The following IVD variants were observed in gnomAD, a reference collection of about 807,000 sequenced individuals.
The protein encoded by IVD is isovaleryl-CoA dehydrogenase.
IVD carries 31 observed loss-of-function variants against 51.3 expected under a neutral mutation model. That is an observed-to-expected ratio of 0.60 (90% CI 0.45 to 0.81). IVD has a LOEUF of 0.81. Among genes scored for constraint, IVD ranks in the 40% least tolerant of loss-of-function variants. IVD has a pLI of 0.00. For synonymous variants in IVD, 205 were observed against 219.4 expected (o/e 0.93, Z 0.58); for missense variants, 475 against 552.0 (o/e 0.86, Z 1.40).
rs1270480858 is a variant in IVD, at chr15:40,413,066, T to G, written c.763T>G (p.Phe255Val). 1 of 1,613,854 alleles carries G rather than the reference T, an allele frequency of 6.2e-7. No homozygotes were observed. Among genetic ancestry groups the G allele is most frequent in the Admixed American group, 1.7e-5 (1 of 60,030 alleles). ...GGGCTCTAACACCTGTGAGCTAATC[T>G]TTGAAGACTGCAAGATTCCTGGTAA... is the stretch of plus-strand genomic sequence containing the variant. ...MRGSNTCELIFEDCKIPAANI... is the reference protein window; with the variant it reads ...MRGSNTCELIVEDCKIPAANI... Residue 255 changes from phenylalanine (F) to valine (V), a missense_variant, in exon 7 of 12, where the codon TTT becomes GTT. By Grantham distance (50) the Phe-to-Val change is conservative. Coordinates refer to ENST00000487418, the MANE Select transcript of IVD (RefSeq NM_002225.5).
chr15:40,411,218 C>T, intron 4 of IVD, 42 bp from the exon 5 acceptor site: 1 of 1,591,138 alleles, frequency 6.3e-7, no homozygotes, highest in Non-Finnish European at 8.6e-7. Context: ...CTCTAGGGTA[C>T]TCTGAGGTTG....
downstream of IVD, among the ~76,000 whole-genome samples, chr15:40,427,656 A>G (rs1166134621): frequency 6.6e-6 from 1 of 152,266 alleles, no homozygotes; most frequent in Non-Finnish European, 1.5e-5. Context: ...TTGTTGAAGT[A>G]GAATAGTTAA....
intron 7 of IVD, among the ~76,000 whole-genome samples, chr15:40,433,470 C>T (rs762469743): frequency 7.2e-5 from 11 of 152,162 alleles, no homozygotes; most frequent in Non-Finnish European, 1.5e-4. Flanking sequence ...GGGGTCTGTA[C>T]GTCTGGAATA....
In IVD at chr15:40,413,218, G is replaced by A. The variant is rs2289328; in HGVS notation, c.784+131G>A. 0.14 allele frequency: 104,175 copies of A among 770,642 alleles called. 7,741 individuals carry two copies. Among genetic ancestry groups the A allele is most frequent in the Non-Finnish European group, 0.16 (71,035 of 446,944 alleles). 47.7% of individuals were successfully genotyped at this position (770,642 alleles called of 1,614,324 possible). On this transcript the variant is annotated intron_variant, in intron 7 of 11. Coordinates refer to ENST00000487418, the MANE Select transcript of IVD (RefSeq NM_002225.5). ...TTAGCGCTTCAGTGACATGTGGCTA[G>A]GCTGTGAGCTGGGGCTGCTGGACAG...
At chr15:40,435,154 A>G (rs1181916675) in intron 8 of IVD, among the ~76,000 whole-genome samples, 2 of 152,202 alleles carry the variant, frequency 1.3e-5, no homozygotes, top group African/African-American at 2.4e-5. Flanking sequence ...TATGGTTTTT[A>G]TGAGAAATGT....
chr15:40,408,010 C>T lies in IVD; in HGVS notation c.286+20C>T. The T allele has an allele frequency of 1.9e-6, 3 of 1,610,776 alleles. No homozygotes were observed. Among genetic ancestry groups the T allele is most frequent in the Non-Finnish European group, 2.5e-6 (3 of 1,176,986 alleles). Reference sequence around the variant, plus strand: ...CCCCTGGTGAGTATAGTGTCTTTCCCTAAAAAGAACTTTTCTTATGTGCCC... The same window carrying T: ...CCCCTGGTGAGTATAGTGTCTTTCCTTAAAAAGAACTTTTCTTATGTGCCC... On this transcript the variant is annotated intron_variant, in intron 3 of 11. Coordinates refer to ENST00000487418, the MANE Select transcript of IVD (RefSeq NM_002225.5).
chr15:40,433,135 G>T (rs1432749757), intron 7 of IVD, among the ~76,000 whole-genome samples: 1 of 152,066 alleles, frequency 6.6e-6, no homozygotes, highest in African/African-American at 2.4e-5. Flanking sequence ...GTAGAAAGAA[G>T]AAAGCTTTTA....
intron 6 of IVD, chr15:40,412,667 C>T (rs1253664385): frequency 1.3e-5 from 5 of 375,264 alleles, no homozygotes; most frequent in Non-Finnish European, 2.6e-5. Flanking sequence ...GGGCTGGTGA[C>T]AGTGTCTTGG....
chr15:40,412,277 GTGA>G (rs1266488311), intron 6 of IVD, among the ~76,000 whole-genome samples: 2 of 152,232 alleles, frequency 1.3e-5, no homozygotes, highest in Non-Finnish European at 2.9e-5. Context: ...TGGGTTACAG[GTGA>G]TGGTGCAGGA....
intron 4 of IVD, 97 bp downstream of exon 4, chr15:40,410,894 G>A (rs1428863666): frequency 1.8e-5 from 26 of 1,429,972 alleles, no homozygotes; most frequent in Non-Finnish European, 2.4e-5. Context: ...CCTGCTTTCT[G>A]TAGCATGCTG....
downstream of IVD, among the ~76,000 whole-genome samples, chr15:40,422,436 A>T (rs1278613040): frequency 6.6e-6 from 1 of 151,612 alleles, no homozygotes; most frequent in Non-Finnish European, 1.5e-5. Flanking sequence ...AGCGCCCGCC[A>T]CCATGCCCGG....
intron 6 of IVD, among the ~76,000 whole-genome samples, 167 bp downstream of exon 6, chr15:40,411,858 A>C (rs1891124602): frequency 6.6e-6 from 1 of 152,248 alleles, no homozygotes; most frequent in Non-Finnish European, 1.5e-5. Context: ...CCAAAAGTCC[A>C]GGAAGTCCAG....
At chr15:40,409,989 A>G (rs1429900700) in intron 3 of IVD, among the ~76,000 whole-genome samples, 1 of 151,982 alleles carries the variant, frequency 6.6e-6, no homozygotes, top group Non-Finnish European at 1.5e-5. Flanking sequence ...GGCGCCCGCC[A>G]CCATGCCCGG....
downstream of IVD, among the ~76,000 whole-genome samples, chr15:40,422,207 C>T (rs1210905511): frequency 6.8e-6 from 1 of 147,952 alleles, no homozygotes; most frequent in East Asian, 2.1e-4. Context: ...GACTCAACGA[C>T]GTTTTGTTTT....
intron 7 of IVD, 65 bp downstream of exon 7, chr15:40,413,152 T>C: frequency 7.6e-7 from 1 of 1,316,822 alleles, no homozygotes; most frequent in Non-Finnish European, 1.1e-6. Context: ...CTGGCTGTTC[T>C]CAAGTTGAGA....
rs1892093825 is a variant in IVD at position 40,419,618 on chromosome 15, T to TG, written c.*1357dup. 6.2e-6 allele frequency: 1 copy of TG among 160,884 alleles called. No homozygotes were observed. 10.0% of individuals were successfully genotyped at this position (160,884 alleles called of 1,614,324 possible). ...CGAGGTCAGGAGTTCAAGACCAGCC[T>TG]GGCCAAGATGGTAAAACCTCGTCTC... On this transcript the variant is annotated 3_prime_UTR_variant, in exon 12 of 12. Coordinates refer to ENST00000487418, the MANE Select transcript of IVD (RefSeq NM_002225.5).
At chr15:40,425,040 C>G (rs1246346521), downstream of IVD, among the ~76,000 whole-genome samples, 1 of 152,214 alleles carries the variant, frequency 6.6e-6, no homozygotes, top group African/African-American at 2.4e-5. Context: ...CCGTACTCCT[C>G]TGACCCACTC....
chr15:40,416,429 G>C, intron 11 of IVD, 67 bp downstream of exon 11: 2 of 1,489,418 alleles, frequency 1.3e-6, no homozygotes, highest in East Asian at 2.3e-5. Context: ...GCTTCAGAAA[G>C]CAGTTTCAGG....
downstream of IVD, among the ~76,000 whole-genome samples, chr15:40,423,982 T>C (rs1300202398): frequency 2.0e-5 from 3 of 152,150 alleles, no homozygotes; most frequent in East Asian, 5.8e-4. Context: ...CTCCTCTCCC[T>C]GTGTGCGCCA....
Sources: gnomAD v4.1 joint callset for allele counts (sites outside exome capture counted in the v4.1 genomes callset) on GRCh38, gnomAD v4.1.1 for gene constraint, MANE v1.5 for transcripts, NCBI Gene and HGNC (gene_info 2026-07-23, HGNC 2026-07-21) for gene names.